Variants in LCOR observed in about 807,000 individuals in gnomAD.
LCOR encodes ligand-dependent corepressor.
LCOR carries 14 observed loss-of-function variants against 64.4 expected under a neutral mutation model. That is an observed-to-expected ratio of 0.22 (90% CI 0.14 to 0.34). The LOEUF is 0.34. Among genes scored for constraint, LCOR ranks in the 10% least tolerant of loss-of-function variants. The probability of loss-of-function intolerance (pLI) is 1.00; values close to 1 mark genes in which losing one functional copy is unlikely to be tolerated. For synonymous variants in LCOR, 643 were observed against 642.5 expected (o/e 1.00, Z -0.01); for missense variants, 1,686 against 1,765.3 (o/e 0.96, Z 0.80).
intron 4 of LCOR, among the ~76,000 whole-genome samples, chr10:96,920,349 G>A (rs907226928): frequency 6.8e-6 from 1 of 146,902 alleles, no homozygotes; most frequent in African/African-American, 2.5e-5. Context: ...TTTTGAATTC[G>A]GTTGTTTCTT....
In LCOR at chr10:96,833,499, T is replaced by G; in HGVS notation, c.-330+20T>G. On this transcript the variant is annotated intron_variant, in intron 2 of 7. Transcript: ENST00000421806. ...CAAAAAGTAAGTGGCCCGTGTGGTGTCTCCGCTCCGCCCGCCGCCCCCTAG... is the reference window on the plus strand; with the variant it reads ...CAAAAAGTAAGTGGCCCGTGTGGTGGCTCCGCTCCGCCCGCCGCCCCCTAG... 1 of 973,318 alleles carries G rather than the reference T, an allele frequency of 1.0e-6. No individual in the cohort carries two copies. The highest frequency in any genetic ancestry group is 1.2e-6 in the Non-Finnish European group (1 of 818,484). The allele number at this position is 973,318 out of a possible 1,614,324, so 60.3% of individuals were successfully genotyped here.
At chr10:96,887,400 A>G (rs1243120637) in intron 2 of LCOR, among the ~76,000 whole-genome samples, 1 of 151,972 alleles carries the variant, frequency 6.6e-6, no homozygotes, top group Non-Finnish European at 1.5e-5. Flanking sequence ...CGTCTCTACT[A>G]AAAATACAAA....
intron 5 of LCOR, among the ~76,000 whole-genome samples, 186 bp downstream of exon 5, chr10:96,944,431 T>G (rs1237598502): frequency 6.6e-6 from 1 of 152,146 alleles, no homozygotes. Flanking sequence ...GTTCCCCACA[T>G]TTAGGCTCTG....
intron 2 of LCOR, among the ~76,000 whole-genome samples, chr10:96,897,622 G>C (rs932060565): frequency 7.2e-5 from 11 of 152,134 alleles, no homozygotes; most frequent in African/African-American, 2.4e-4. Context: ...TTCTGATAAT[G>C]TTCTAACTAC....
Position 96,983,394 on chromosome 10 carries a change from G to T in LCOR, c.2934G>T (p.Glu978Asp), listed in dbSNP as rs773480654. The T allele has an allele frequency of 7.4e-6, 12 of 1,614,162 alleles. No individual in the cohort carries two copies. Among genetic ancestry groups the T allele is most frequent in the Non-Finnish European group, 1.0e-5 (12 of 1,180,032 alleles). The change falls in exon 8 of 8, where the codon GAG becomes GAT. Residue 978 changes from glutamate to aspartate, a missense_variant. Transcript: ENST00000421806. The surrounding 1 kb of genome is among the most constrained non-coding windows in gnomAD (Gnocchi z 4.5). Reference sequence around the variant, plus strand: ...GGGACCCAGAACAGGCAAAAGAAGAGCCAGGGCATATTCCCACACAGCATG... The same window carrying T: ...GGGACCCAGAACAGGCAAAAGAAGATCCAGGGCATATTCCCACACAGCATG... ...CKRDPEQAKE[E>D]PGHIPTQHVE...
At chr10:96,833,849 G>GTT (rs1209317177) in intron 2 of LCOR, among the ~76,000 whole-genome samples, 1 of 152,124 alleles carries the variant, frequency 6.6e-6, no homozygotes, top group East Asian at 1.9e-4. Flanking sequence ...GCGGTGAGAA[G>GTT]TTCTCTTTGT....
chr10:96,929,794 T>G (rs992194125), intron 4 of LCOR, among the ~76,000 whole-genome samples: 1 of 152,214 alleles, frequency 6.6e-6, no homozygotes. Flanking sequence ...GACATGCAAC[T>G]CTTCCTTTCA....
At chr10:96,859,616 G>A (rs1234913595) in intron 2 of LCOR, among the ~76,000 whole-genome samples, 1 of 152,064 alleles carries the variant, frequency 6.6e-6, no homozygotes, top group South Asian at 2.1e-4. Flanking sequence ...GGAGTGCAGT[G>A]GTGTGATCTT....
intron 4 of LCOR, among the ~76,000 whole-genome samples, chr10:96,927,996 A>G (rs1480394251): frequency 6.6e-6 from 1 of 152,232 alleles, no homozygotes; most frequent in African/African-American, 2.4e-5. Context: ...GTTGTTGAAA[A>G]TTGCTAACAA....
At chr10:96,920,438 ATATG>A (rs1400005983) in intron 4 of LCOR, among the ~76,000 whole-genome samples, 1 of 112,724 alleles carries the variant, frequency 8.9e-6, no homozygotes, top group African/African-American at 4.2e-5. Flanking sequence ...ATATGTGTAT[ATATG>A]TGTATATATA....
intron 7 of LCOR, chr10:96,955,586 A>C (rs1248060740): frequency 1.2e-6 from 2 of 1,614,182 alleles, no homozygotes; most frequent in Admixed American, 3.3e-5. Context: ...CTACCTCTGG[A>C]CAGCCATATC....
rs957735712 is a variant in LCOR, at chr10:96,988,534, T to C, written c.*3400T>C. ...GCAGGTGAATTTCTCACTGTTCAGA[T>C]AGGTCATCAGTAAAAGGCATCACTT... On this transcript the variant is annotated 3_prime_UTR_variant, in exon 8 of 8. Transcript: ENST00000421806. 1 of 152,164 alleles carries C rather than the reference T, an allele frequency of 6.6e-6. No homozygotes were observed. Among genetic ancestry groups the C allele is most frequent in the African/African-American group, 2.4e-5 (1 of 41,438 alleles). The allele number at this position is 152,164 out of a possible 1,614,324, so 9.4% of individuals were successfully genotyped here. A position where few individuals can be genotyped will look rare whatever the true frequency, so the allele number is the denominator to read the frequency against.
At chr10:96,899,335 G>A (rs1258699264) in intron 2 of LCOR, among the ~76,000 whole-genome samples, 1 of 152,012 alleles carries the variant, frequency 6.6e-6, no homozygotes, top group Non-Finnish European at 1.5e-5. Context: ...TAACGGCAGG[G>A]CATATTTTTA....
At chr10:96,837,382 A>G (rs1404485268) in intron 2 of LCOR, among the ~76,000 whole-genome samples, 1 of 151,932 alleles carries the variant, frequency 6.6e-6, no homozygotes, top group African/African-American at 2.4e-5. Context: ...CAGCCTCCCA[A>G]ATAGCTGGGA....
rs145975565 is a variant in LCOR, at chr10:96,981,867, G to A, written c.1407G>A (p.Gln469=). Residue 469 remains glutamine, a synonymous_variant, in exon 8 of 8, where the codon CAG becomes CAA. Coordinates refer to ENST00000421806, the MANE Select transcript of LCOR (RefSeq NM_001346516.2). The stretch of plus-strand genomic sequence containing the variant: ...TGAGGATAAATGATTATGATAACCA[G>A]TGTGATGTTGTTTATATCAGTCAAC... ...SGLRINDYDN[Q]CDVVYISQPI... 6.2e-7 allele frequency: 1 copy of A among 1,614,220 alleles called. No homozygotes were observed. The highest frequency in any genetic ancestry group is 8.5e-7 in the Non-Finnish European group (1 of 1,180,042).
intron 6 of LCOR, among the ~76,000 whole-genome samples, chr10:96,951,335 A>G (rs923868215): frequency 6.6e-6 from 1 of 152,152 alleles, no homozygotes; most frequent in African/African-American, 2.4e-5. Context: ...CCAGGCTCTC[A>G]TCAGTATCAA....
At chr10:96,835,179 C>G (rs971201350) in intron 2 of LCOR, among the ~76,000 whole-genome samples, 3 of 151,806 alleles carry the variant, frequency 2.0e-5, no homozygotes, top group Non-Finnish European at 4.4e-5. Context: ...AATTTACAGG[C>G]GTGAGAGCCA....
At chr10:96,964,842 AAAT>A (rs1446013096) in intron 7 of LCOR, among the ~76,000 whole-genome samples, 1 of 152,120 alleles carries the variant, frequency 6.6e-6, no homozygotes, top group Non-Finnish European at 1.5e-5. Context: ...CCTTGTCAGA[AAAT>A]AATAGTGACT....
chr10:96,945,673 T>C (rs1211994926), intron 5 of LCOR, among the ~76,000 whole-genome samples: 2 of 152,186 alleles, frequency 1.3e-5, no homozygotes, highest in African/African-American at 4.8e-5. Flanking sequence ...AAAATATCTT[T>C]ACAGCTCCTC....
Sources: gnomAD v4.1 joint callset for allele counts (sites outside exome capture counted in the v4.1 genomes callset) on GRCh38, gnomAD v4.1.1 for gene constraint, Gnocchi (gnomAD v3.1) non-coding constraint, MANE v1.5 for transcripts, NCBI Gene and HGNC (gene_info 2026-07-23, HGNC 2026-07-21) for gene names.